ARHGAP32: variants seen among roughly 807,000 people sequenced by gnomAD.
The protein encoded by ARHGAP32 is Rho GTPase activating protein 32, also known as rho GTPase-activating protein 32.
Under a neutral mutation model 186.5 loss-of-function variants are expected in ARHGAP32, and 51 were observed. The observed-to-expected ratio is 0.27, with a 90% confidence interval of 0.22 to 0.35. The LOEUF (loss-of-function observed/expected upper bound fraction) is 0.35. Among genes scored for constraint, ARHGAP32 ranks in the 10% least tolerant of loss-of-function variants. The pLI is 1.00. For missense variants in ARHGAP32, 2,186 were observed against 2,623.5 expected (o/e 0.83, Z 3.64); for synonymous variants, 950 against 964.3 (o/e 0.99, Z 0.27).
intron 12 of ARHGAP32, among the ~76,000 whole-genome samples, chr11:128,991,520 C>T (rs983602018): frequency 6.6e-6 from 1 of 151,778 alleles, no homozygotes; most frequent in African/African-American, 2.4e-5. Flanking sequence ...ATAAGAAATC[C>T]AATATATTTT....
At chr11:129,276,530 C>A (rs1360807631) in intron 1 of ARHGAP32, among the ~76,000 whole-genome samples, 1 of 152,150 alleles carries the variant, frequency 6.6e-6, no homozygotes, top group Non-Finnish European at 1.5e-5. Flanking sequence ...TGGTCTCAAA[C>A]TCCTGGCCTC....
At chr11:129,260,623 T>C (rs188618126) in intron 1 of ARHGAP32, among the ~76,000 whole-genome samples, 2 of 152,272 alleles carry the variant, frequency 1.3e-5, no homozygotes, top group African/African-American at 4.8e-5. Context: ...TCTATATACT[T>C]TAATAACTCT....
chr11:129,134,857 C>T (rs889308047), intron 2 of ARHGAP32, among the ~76,000 whole-genome samples: 4 of 152,162 alleles, frequency 2.6e-5, no homozygotes, highest in Admixed American at 1.3e-4. Context: ...AAAGGTGCCA[C>T]ATCTAAGAAA....
intron 6 of ARHGAP32, among the ~76,000 whole-genome samples, chr11:129,071,505 G>T (rs571009413): frequency 2.0e-5 from 3 of 151,988 alleles, no homozygotes; most frequent in Admixed American, 2.0e-4. Context: ...ATACCACAAT[G>T]AGATATCATC....
intron 2 of ARHGAP32, among the ~76,000 whole-genome samples, chr11:129,149,223 G>A (rs1017396559): frequency 6.6e-6 from 1 of 152,162 alleles, no homozygotes; most frequent in Admixed American, 6.5e-5. Flanking sequence ...GAATAATCTT[G>A]CTGCCAGGAA....
upstream of ARHGAP32, among the ~76,000 whole-genome samples, chr11:129,196,563 T>C (rs1243783775): frequency 3.9e-5 from 6 of 152,150 alleles, no homozygotes; most frequent in African/African-American, 1.4e-4. Flanking sequence ...TGGAAACGAT[T>C]TCCCCATGGA....
chr11:129,251,838 T>C (rs1945188872), intron 1 of ARHGAP32, among the ~76,000 whole-genome samples: 2 of 150,334 alleles, frequency 1.3e-5, no homozygotes, highest in African/African-American at 2.4e-5. Flanking sequence ...GGGAGGCTGA[T>C]GCAGGAGAAC....
intron 1 of ARHGAP32, among the ~76,000 whole-genome samples, chr11:129,276,811 T>A (rs946293823): frequency 6.6e-6 from 1 of 152,194 alleles, no homozygotes; most frequent in African/African-American, 2.4e-5. Flanking sequence ...AGCCTTCTGA[T>A]CCCTATTTTA....
chr11:129,108,561 A>C (rs1476631166), intron 5 of ARHGAP32, among the ~76,000 whole-genome samples: 3 of 152,174 alleles, frequency 2.0e-5, no homozygotes, highest in African/African-American at 7.2e-5. Context: ...CCTTTCGATA[A>C]TGTATAGGCT....
upstream of ARHGAP32, among the ~76,000 whole-genome samples, chr11:129,196,886 G>A (rs371159742): frequency 2.0e-5 from 3 of 151,944 alleles, no homozygotes; most frequent in South Asian, 2.1e-4. Context: ...GTGAAAACCC[G>A]TCTCTACTAA....
At chr11:129,178,796 G>C (rs1324766236) in intron 1 of ARHGAP32, among the ~76,000 whole-genome samples, 5 of 150,916 alleles carry the variant, frequency 3.3e-5, no homozygotes, top group African/African-American at 1.2e-4. Context: ...ATCAATTCAA[G>C]ATGGATTAAA....
At chr11:129,042,917 T>A (rs570625822) in intron 10 of ARHGAP32, among the ~76,000 whole-genome samples, 2 of 151,968 alleles carry the variant, frequency 1.3e-5, no homozygotes, top group Non-Finnish European at 2.9e-5. Flanking sequence ...AGATGGGAGG[T>A]GCCCTGGAAA....
intron 1 of ARHGAP32, among the ~76,000 whole-genome samples, chr11:129,210,432 A>G (rs1242013681): frequency 6.6e-6 from 1 of 152,238 alleles, no homozygotes; most frequent in Non-Finnish European, 1.5e-5. Flanking sequence ...CCTGTATTAC[A>G]GCTGAGAAAA....
chr11:129,047,005 G>A (rs1939837777), intron 10 of ARHGAP32, among the ~76,000 whole-genome samples: 1 of 151,972 alleles, frequency 6.6e-6, no homozygotes, highest in African/African-American at 2.4e-5. Flanking sequence ...GCAGGTGCCT[G>A]TAGTCCCAGC....
In ARHGAP32 at chr11:129,172,866, C is replaced by T. The variant is rs117721944; in HGVS notation, c.117-8439G>A. On this transcript the variant is annotated intron_variant, in intron 1 of 22. Coordinates refer to ENST00000682385, the MANE Select transcript of ARHGAP32 (RefSeq NM_001378024.1). ...GCAAGAAAGATCTCAAATGGACACCCGAACATCACAATTAAAAGAGCTAAA... is the reference window on the plus strand; with the variant it reads ...GCAAGAAAGATCTCAAATGGACACCTGAACATCACAATTAAAAGAGCTAAA... Among the ~76,000 whole-genome samples the T allele has an allele frequency of 2.3e-3, 353 of 151,296 alleles. 6 individuals carry two copies. The East Asian group carries it at 0.033, about 14-fold the overall frequency.
chr11:129,112,982 T>C (rs1942269500), intron 5 of ARHGAP32, among the ~76,000 whole-genome samples: 1 of 152,172 alleles, frequency 6.6e-6, no homozygotes, highest in Non-Finnish European at 1.5e-5. Context: ...TTTTAAAAAA[T>C]AATAGTCCTT....
At chr11:129,133,785 A>AT (rs758446121) in intron 2 of ARHGAP32, among the ~76,000 whole-genome samples, 1 of 152,228 alleles carries the variant, frequency 6.6e-6, no homozygotes, top group Non-Finnish European at 1.5e-5. Context: ...GAGAAGGAAA[A>AT]TAACTCAGGT....
chr11:129,036,380 CAAAAAAAAAAAAA>C (rs58678377), intron 11 of ARHGAP32, among the ~76,000 whole-genome samples: 43 of 98,678 alleles, frequency 4.4e-4, no homozygotes, highest in Admixed American at 1.3e-3. Context: ...AACTCCGTCT[CAAAAAAAAAAAAA>C]AAAAAAAAAA....
chr11:129,091,004 C>T (rs150515579), intron 6 of ARHGAP32, among the ~76,000 whole-genome samples: 351 of 152,172 alleles, frequency 2.3e-3, no homozygotes, highest in African/African-American at 8.2e-3. Flanking sequence ...CACCTTTGTT[C>T]GTTTACTCAG....
Sources: gnomAD v4.1 joint callset for allele counts (sites outside exome capture counted in the v4.1 genomes callset) on GRCh38, gnomAD v4.1.1 for gene constraint, MANE v1.5 for transcripts, NCBI Gene and HGNC (gene_info 2026-07-23, HGNC 2026-07-21) for gene names.